WTIP: variants seen among roughly 807,000 people sequenced by gnomAD.
WTIP encodes Wilms tumor protein 1-interacting protein.
WTIP carries 23 observed loss-of-function variants against 41.7 expected under a neutral mutation model. The ratio of observed to expected loss-of-function variants is 0.55; its 90% CI spans 0.40 to 0.78. The LOEUF (loss-of-function observed/expected upper bound fraction) is 0.78. Among genes scored for constraint, WTIP ranks in the 30% least tolerant of loss-of-function variants. WTIP has a pLI of 0.00. For missense variants in WTIP, 619 were observed against 610.5 expected (o/e 1.01, Z -0.15); for synonymous variants, 314 against 269.9 (o/e 1.16, Z -1.60).
At chr19:34,483,917 C>CTTT (rs61308943) in intron 1 of WTIP, among the ~76,000 whole-genome samples, 17 of 66,868 alleles carry the variant, frequency 2.5e-4, no homozygotes, top group East Asian at 4.2e-4. Context: ...TGAACTGGAT[C>CTTT]TTTTTTTTTT....
Position 34,511,449 on chromosome 19 carries a change from C to T in WTIP, c.*11180C>T, listed in dbSNP as rs897665013. On this transcript the variant is annotated 3_prime_UTR_variant, in exon 8 of 8. Coordinates refer to ENST00000590071, the MANE Select transcript of WTIP (RefSeq NM_001080436.2). ...TTTCGGTGGGGACACAGAGCCAAACCGTATCAGACCCCGTCTCTACAAAAA... is the reference window on the plus strand; with the variant it reads ...TTTCGGTGGGGACACAGAGCCAAACTGTATCAGACCCCGTCTCTACAAAAA... 6.6e-5 allele frequency: 10 copies of T among 151,798 alleles called. No individual in the cohort carries two copies. The highest frequency in any genetic ancestry group is 7.3e-5 in the African/African-American group (3 of 41,330). 9.4% of individuals were successfully genotyped at this position (151,798 alleles called of 1,614,324 possible).
chr19:34,494,379 C>T (rs1479798552), intron 5 of WTIP, among the ~76,000 whole-genome samples: 3 of 151,104 alleles, frequency 2.0e-5, no homozygotes, highest in Non-Finnish European at 4.4e-5. Flanking sequence ...CATAGTGAGA[C>T]CCCATTTCTA....
At position 34,510,925 on chromosome 19, in the gene WTIP, T is replaced by C. The variant is rs2075930588; in HGVS notation, c.*10656T>C. On this transcript the variant is annotated 3_prime_UTR_variant, in exon 8 of 8. Coordinates refer to ENST00000590071, the MANE Select transcript of WTIP (RefSeq NM_001080436.2). ...ACATCAGCCTGGACCTTAGTATTCATATCACTATCAGCATTTTTATCAAAT... is the reference window on the plus strand; with the variant it reads ...ACATCAGCCTGGACCTTAGTATTCACATCACTATCAGCATTTTTATCAAAT... 1 of 152,266 alleles carries C rather than the reference T, an allele frequency of 6.6e-6. No individual in the cohort carries two copies. Among genetic ancestry groups the C allele is most frequent in the Non-Finnish European group, 1.5e-5 (1 of 68,076 alleles). 9.4% of individuals were successfully genotyped at this position (152,266 alleles called of 1,614,324 possible).
chr19:34,484,872 A>G (rs943051469), intron 1 of WTIP, among the ~76,000 whole-genome samples: 6 of 150,742 alleles, frequency 4.0e-5, no homozygotes, highest in East Asian at 4.1e-4. Flanking sequence ...CCAGGCTGCA[A>G]CGAGCTATGA....
At chr19:34,487,576 G>T (rs1015709877) in intron 1 of WTIP, among the ~76,000 whole-genome samples, 1 of 152,198 alleles carries the variant, frequency 6.6e-6, no homozygotes, top group Admixed American at 6.5e-5. Context: ...TGGGCCACCC[G>T]ATAGCAAGAT....
intron 1 of WTIP, among the ~76,000 whole-genome samples, chr19:34,485,742 C>T (rs1283365852): frequency 6.6e-6 from 1 of 152,124 alleles, no homozygotes; most frequent in Non-Finnish European, 1.5e-5. Flanking sequence ...CACAGGTGTG[C>T]ATCACCATGC....
rs2075899540 is a variant in WTIP, at chr19:34,503,813, G to A, written c.*3544G>A. On this transcript the variant is annotated 3_prime_UTR_variant, in exon 8 of 8. Coordinates refer to ENST00000590071, the MANE Select transcript of WTIP (RefSeq NM_001080436.2). ...GTCTTGGCTTAGTTCCACCTGCACT[G>A]GTCCAAGTCCAGCCTGGTTGCCTAG... The A allele has an allele frequency of 6.6e-6, 1 of 152,504 alleles. No individual in the cohort carries two copies. The highest frequency in any genetic ancestry group is 1.5e-5 in the Non-Finnish European group (1 of 68,274). 9.4% of individuals were successfully genotyped at this position (152,504 alleles called of 1,614,324 possible).
intron 7 of WTIP, among the ~76,000 whole-genome samples, chr19:34,498,224 G>A (rs1053601533): frequency 1.2e-4 from 19 of 152,096 alleles, no homozygotes; most frequent in Non-Finnish European, 2.5e-4. Context: ...AGCCCGCAAC[G>A]GTAAAAACTG....
At chr19:34,498,472 TC>T (rs911494743) in intron 7 of WTIP, 1 of 152,712 alleles carries the variant, frequency 6.5e-6, no homozygotes, top group African/African-American at 2.4e-5. Context: ...GTCTTCACTT[TC>T]GTTTCTCCTT....
chr19:34,490,622 G>C, intron 2 of WTIP, 145 bp downstream of exon 2: 1 of 906,354 alleles, frequency 1.1e-6, no homozygotes, highest in South Asian at 1.7e-5. Flanking sequence ...TCTGTCTGGG[G>C]AGGAGGCATG....
rs1776593183 is a variant in WTIP at position 34,507,193 on chromosome 19, C to T, written c.*6924C>T. ...CAGCCGAGATCGTGCCATTGCACTC[C>T]AGCCTGGGCAACAAGAGTGAACTCC... On this transcript the variant is annotated 3_prime_UTR_variant, in exon 8 of 8. Coordinates refer to ENST00000590071, the MANE Select transcript of WTIP (RefSeq NM_001080436.2). 7.0e-6 allele frequency: 1 copy of T among 142,136 alleles called. No individual in the cohort carries two copies. The highest frequency in any genetic ancestry group is 2.6e-5 in the African/African-American group (1 of 38,158). The allele number at this position is 142,136 out of a possible 1,614,324, so 8.8% of individuals were successfully genotyped here. A position where few individuals can be genotyped will look rare whatever the true frequency, so the allele number is the denominator to read the frequency against.
intron 5 of WTIP, among the ~76,000 whole-genome samples, chr19:34,494,149 G>A (rs1040702095): frequency 1.3e-5 from 2 of 152,164 alleles, no homozygotes; most frequent in African/African-American, 2.4e-5. Context: ...AGCTAGTGGT[G>A]TCCCAGACCT....
Position 34,511,492 on chromosome 19 carries a change from A to G in WTIP, c.*11223A>G, listed in dbSNP as rs1288334864. 6.6e-6 allele frequency: 1 copy of G among 152,170 alleles called. No individual in the cohort carries two copies. Among genetic ancestry groups the G allele is most frequent in the Non-Finnish European group, 1.5e-5 (1 of 68,034 alleles). 9.4% of individuals were successfully genotyped at this position (152,170 alleles called of 1,614,324 possible). On this transcript the variant is annotated 3_prime_UTR_variant, in exon 8 of 8. Transcript: ENST00000590071. Reference sequence around the variant, plus strand: ...TACAAAAACAAAAACAAAATAAAAAAAAGTAGCTACGTGTTTGGGCCTGGC... The same window carrying G: ...TACAAAAACAAAAACAAAATAAAAAGAAGTAGCTACGTGTTTGGGCCTGGC...
chr19:34,509,192 C>CT lies in WTIP; in HGVS notation c.*8924dup, dbSNP rs2075924604. Reference sequence around the variant, plus strand: ...CCAGCCAGGGTAACACAGCGAGACCCTGTGTTAGCCTGTTTTCACGCTGCT... The same window carrying CT: ...CCAGCCAGGGTAACACAGCGAGACCCTTGTGTTAGCCTGTTTTCACGCTGCT... On this transcript the variant is annotated 3_prime_UTR_variant, in exon 8 of 8. Coordinates refer to ENST00000590071, the MANE Select transcript of WTIP (RefSeq NM_001080436.2). 1 of 152,176 alleles carries CT rather than the reference C, an allele frequency of 6.6e-6. No homozygotes were observed. The highest frequency in any genetic ancestry group is 2.4e-5 in the African/African-American group (1 of 41,410). The allele number at this position is 152,176 out of a possible 1,614,324, so 9.4% of individuals were successfully genotyped here.
rs929368615 is a variant in WTIP at position 34,494,466 on chromosome 19, A to C, written c.1032-120A>C. 5.5e-6 allele frequency: 5 copies of C among 917,194 alleles called. No homozygotes were observed. In the South Asian group the frequency reaches 5.6e-5, roughly 10 times the overall value. 56.8% of individuals were successfully genotyped at this position (917,194 alleles called of 1,614,324 possible). Reference sequence around the variant, plus strand: ...TCCCTGTCTGCCCCGAGGTGTGCACACAGGGAGAGAGGGCCTGATACTTGG... The same window carrying C: ...TCCCTGTCTGCCCCGAGGTGTGCACCCAGGGAGAGAGGGCCTGATACTTGG... On this transcript the variant is annotated intron_variant, in intron 5 of 7. Coordinates refer to ENST00000590071, the MANE Select transcript of WTIP (RefSeq NM_001080436.2).
intron 1 of WTIP, among the ~76,000 whole-genome samples, chr19:34,485,703 C>G (rs76227234): frequency 6.6e-6 from 1 of 152,040 alleles, no homozygotes; most frequent in Non-Finnish European, 1.5e-5. Flanking sequence ...AAGCAATCCT[C>G]CTGCTTCAGC....
In WTIP at chr19:34,482,094, G is replaced by T; in HGVS notation, c.120G>T (p.Gly40=). ...GGGGGCGGCGGGGGCCGCGGCCTGG[G>T]CCTGGAGACGAGGCGGCGCCCGCGC... ...PGRGRRGPRP[G]PGDEAAPALG... The change falls in exon 1 of 8, where the codon GGG becomes GGT. Residue 40 remains glycine, a synonymous_variant. Transcript: ENST00000590071. 1 of 1,041,372 alleles carries T rather than the reference G, an allele frequency of 9.6e-7. No homozygotes were observed. The highest frequency in any genetic ancestry group is 1.2e-6 in the Non-Finnish European group (1 of 867,616). 64.5% of individuals were successfully genotyped at this position (1,041,372 alleles called of 1,614,324 possible).
chr19:34,498,184 C>T (rs942904501), intron 7 of WTIP, among the ~76,000 whole-genome samples: 5 of 152,096 alleles, frequency 3.3e-5, no homozygotes, highest in Admixed American at 1.3e-4. Context: ...CTCTGGGTAA[C>T]GGGTCAAAGC....
chr19:34,488,702 T>C (rs1464286353), intron 1 of WTIP, among the ~76,000 whole-genome samples: 3 of 151,212 alleles, frequency 2.0e-5, no homozygotes, highest in East Asian at 4.0e-4. Flanking sequence ...TGCTCAAGTA[T>C]CACCTGGTGA....
Sources: gnomAD v4.1 joint callset for allele counts (sites outside exome capture counted in the v4.1 genomes callset) on GRCh38, gnomAD v4.1.1 for gene constraint, MANE v1.5 for transcripts, NCBI Gene and HGNC (gene_info 2026-07-23, HGNC 2026-07-21) for gene names.